Variants in CDHR4 observed in about 807,000 individuals in gnomAD.
The protein encoded by CDHR4 is cadherin-related family member 4.
A neutral mutation model predicts 88.4 loss-of-function variants in CDHR4; 89 were observed. The ratio of observed to expected loss-of-function variants is 1.01; its 90% CI spans 0.85 to 1.20. The LOEUF is 1.20. Ranked by LOEUF, CDHR4 falls within the 50% of genes most tolerant of loss-of-function variation. CDHR4 has a pLI of 0.00. For missense variants in CDHR4, 914 were observed against 1,007.2 expected, an observed-to-expected ratio of 0.91 and a Z score of 1.25; for synonymous variants, 368 against 399.2, an observed-to-expected ratio of 0.92 and a Z score of 0.93.
intron 1 of CDHR4, 46 bp from the exon 2 acceptor site, chr3:49,799,483 A>T: frequency 6.5e-7 from 1 of 1,530,002 alleles, no homozygotes; most frequent in South Asian, 1.2e-5. Flanking sequence ...AGGCTGATGG[A>T]ACCACACATA....
chr3:49,795,393 G>A lies in CDHR4; in HGVS notation c.848-14C>T, dbSNP rs1173382587. 1.3e-6 allele frequency: 2 copies of A among 1,548,634 alleles called. No individual in the cohort carries two copies. The highest frequency in any genetic ancestry group is 1.2e-5 in the South Asian group (1 of 83,974). On this transcript the variant is annotated splice_polypyrimidine_tract_variant and intron_variant, in intron 7 of 18. Coordinates refer to ENST00000412678, the MANE Select transcript of CDHR4 (RefSeq NM_001007540.4). This position sits in a 1 kb window ranked among gnomAD's most constrained non-coding sequence, Gnocchi z 5.4. ...CCACACCGTCTGCTGCATGGGGTGA[G>A]AGAACACAGAGGTCAGGGGTCAGGG... is the stretch of plus-strand genomic sequence containing the variant.
rs2081186574 is a variant in CDHR4, at chr3:49,791,978, T to C, written c.2139-19A>G. ...GGCCAACCTAAAATGCCAGGAGGAG[T>C]AACGAAGCAGTGAGGGCAGCAGGCC... On this transcript the variant is annotated intron_variant, in intron 15 of 18. Transcript: ENST00000412678. The C allele has an allele frequency of 6.4e-7, 1 of 1,550,962 alleles. No individual in the cohort carries two copies. The highest frequency in any genetic ancestry group is 8.7e-7 in the Non-Finnish European group (1 of 1,146,798).
At chr3:49,800,278 C>A (rs968636082), upstream of CDHR4, among the ~76,000 whole-genome samples, 1 of 152,088 alleles carries the variant, frequency 6.6e-6, no homozygotes, top group Non-Finnish European at 1.5e-5. Flanking sequence ...GTAATCCCAG[C>A]ACTTTGGGAG....
chr3:49,796,884 C>T, intron 5 of CDHR4, 38 bp downstream of exon 5: 1 of 1,505,062 alleles, frequency 6.6e-7, no homozygotes, highest in Non-Finnish European at 9.0e-7. Flanking sequence ...GCACTCTACC[C>T]AATCCATAAA....
At position 49,795,053 on chromosome 3, in the gene CDHR4, A is replaced by G. The variant is rs1247371844; in HGVS notation, c.1079T>C (p.Leu360Pro). The change falls in exon 9 of 19, where the codon CTC (leucine) becomes CCC (proline). Residue 360 changes from leucine (L) to proline (P), a missense_variant. Physicochemically the swap from Leu to Pro is moderately conservative, Grantham distance 98. Transcript: ENST00000412678. The surrounding 1 kb of genome is among the most constrained non-coding windows in gnomAD (Gnocchi z 5.4). ...TAPVGTVLNT[L>P]TCEDPDSVGA... ...AACAGAGTCCGGATCTTCGCAAGTG[A>G]GAGTATTCAGCACGGTGCCCACGGG... is the stretch of plus-strand genomic sequence containing the variant. The G allele has an allele frequency of 6.4e-7, 1 of 1,551,690 alleles. No individual in the cohort carries two copies. Among genetic ancestry groups the G allele is most frequent in the South Asian group, 1.2e-5 (1 of 84,052 alleles).
chr3:49,799,639 G>C, intron 1 of CDHR4, 125 bp downstream of exon 1: 1 of 1,131,602 alleles, frequency 8.8e-7, no homozygotes, highest in Non-Finnish European at 1.3e-6. Context: ...AGGGGTGAGG[G>C]CCAGGGGTTC....
rs548633701 is a variant in CDHR4 at position 49,792,211 on chromosome 3, C to T, written c.2139-252G>A. Among the ~76,000 whole-genome samples the T allele has an allele frequency of 5.9e-5, 9 of 152,278 alleles. No individual in the cohort carries two copies. In the South Asian group the frequency reaches 1.9e-3, roughly 32 times the overall value. On this transcript the variant is annotated intron_variant, in intron 15 of 18. Transcript: ENST00000412678. ...GTAAATGCCCAATGTATGACAGACT[C>T]ACAGTTTCAAGCCCTGAGCTTATCT... is the stretch of plus-strand genomic sequence containing the variant.
chr3:49,792,220 A>G (rs7637711), intron 15 of CDHR4, among the ~76,000 whole-genome samples: 27,628 of 152,104 alleles, frequency 0.18, 2,855 homozygotes, highest in African/African-American at 0.26. Flanking sequence ...TCACAGTTTC[A>G]AGCCCTGAGC....
intron 9 of CDHR4, 119 bp downstream of exon 9, chr3:49,794,828 A>T (rs6802890): frequency 6.9e-7 from 1 of 1,440,316 alleles, no homozygotes. Flanking sequence ...ACTGCAACAC[A>T]GGTTGGCTCG....
At chr3:49,791,391 G>C in intron 18 of CDHR4, 50 bp downstream of exon 18, 1 of 1,517,794 alleles carries the variant, frequency 6.6e-7, no homozygotes, top group Non-Finnish European at 8.8e-7. Context: ...GAGATACTCA[G>C]ATGGGGTGAG....
At chr3:49,797,681 C>T (rs1442624305) in intron 4 of CDHR4, among the ~76,000 whole-genome samples, 1 of 151,848 alleles carries the variant, frequency 6.6e-6, no homozygotes. Flanking sequence ...AGGGTTTCGC[C>T]ATGTTGGCCA....
intron 17 of CDHR4, 23 bp downstream of exon 17, chr3:49,791,691 C>G: frequency 6.4e-7 from 1 of 1,551,266 alleles, no homozygotes; most frequent in Non-Finnish European, 8.7e-7. Flanking sequence ...GTGTCCACTA[C>G]TTGAGATGGT....
Position 49,795,868 on chromosome 3 carries a change from C to T in CDHR4, c.710+75G>A, listed in dbSNP as rs1420371836. On this transcript the variant is annotated intron_variant, in intron 6 of 18. Transcript: ENST00000412678. This position sits in a 1 kb window ranked among gnomAD's most constrained non-coding sequence, Gnocchi z 5.4. Reference sequence around the variant, plus strand: ...TCCTGTCAGGGCTGGGACTCAGCTCCAGCAGCCTCACCCTACCTGATTCCC... The same window carrying T: ...TCCTGTCAGGGCTGGGACTCAGCTCTAGCAGCCTCACCCTACCTGATTCCC... The T allele has an allele frequency of 2.0e-6, 3 of 1,518,404 alleles. No individual in the cohort carries two copies. The highest frequency in any genetic ancestry group is 2.0e-5 in the Admixed American group (1 of 49,292). 94.1% of individuals were successfully genotyped at this position (1,518,404 alleles called of 1,614,324 possible).
rs2081317068 is a variant in CDHR4 at position 49,798,917 on chromosome 3, G to A, written c.404C>T (p.Ala135Val). ...IQCAGQFASPAGEMIQVPETV... is the reference protein window; with the variant it reads ...IQCAGQFASPVGEMIQVPETV... Reference sequence around the variant, plus strand: ...CTCTGGCACCTGAATCATTTCCCCAGCTGGCCAGAGTGGAGGTCAGGGAGG... The same window carrying A: ...CTCTGGCACCTGAATCATTTCCCCAACTGGCCAGAGTGGAGGTCAGGGAGG... Residue 135 changes from alanine to valine, a missense_variant and splice_region_variant, in exon 4 of 19, where the codon GCT (alanine) becomes GTT (valine). Ala to Val is a moderately conservative substitution (Grantham distance 64). Coordinates refer to ENST00000412678, the MANE Select transcript of CDHR4 (RefSeq NM_001007540.4). The A allele has an allele frequency of 1.2e-6, 2 of 1,612,888 alleles. No individual in the cohort carries two copies. The highest frequency in any genetic ancestry group is 1.7e-6 in the Non-Finnish European group (2 of 1,179,548).
Position 49,793,729 on chromosome 3 carries a change from G to T in CDHR4, c.1484-7C>A, listed in dbSNP as rs1167602026. 2 of 1,551,584 alleles carry T rather than the reference G, an allele frequency of 1.3e-6. No individual in the cohort carries two copies. The highest frequency in any genetic ancestry group is 2.4e-5 in the East Asian group (1 of 40,940). Reference sequence around the variant, plus strand: ...CCCAGGAGGTGAACTTCCCCTAGAGGGGGAGACCACAGCTTCAGCCTGCAG... The same window carrying T: ...CCCAGGAGGTGAACTTCCCCTAGAGTGGGAGACCACAGCTTCAGCCTGCAG... On this transcript the variant is annotated splice_region_variant and splice_polypyrimidine_tract_variant and intron_variant, in intron 11 of 18. Coordinates refer to ENST00000412678, the MANE Select transcript of CDHR4 (RefSeq NM_001007540.4).
In CDHR4 at chr3:49,799,165, G is replaced by C; in HGVS notation, c.241-9C>G. 1 of 1,586,010 alleles carries C rather than the reference G, an allele frequency of 6.3e-7. No homozygotes were observed. Among genetic ancestry groups the C allele is most frequent in the Non-Finnish European group, 8.6e-7 (1 of 1,165,942 alleles). ...GAGCTGCTCAAGGTCAACTGGGGTG[G>C]GTGGACAGTGCCATGTGGGGCTTGG... On this transcript the variant is annotated splice_polypyrimidine_tract_variant and intron_variant, in intron 2 of 18. Coordinates refer to ENST00000412678, the MANE Select transcript of CDHR4 (RefSeq NM_001007540.4).
In CDHR4 at chr3:49,792,606, G is replaced by A; in HGVS notation, c.2000C>T (p.Pro667Leu). Residue 667 changes from proline to leucine, a missense_variant, in exon 15 of 19, where the codon CCC becomes CTC. Transcript: ENST00000412678. ...CACGAGCATGGGTGTCATCGTTGAG[G>A]GCACCTGAAAAGGAGGCCACAGCCT... ...VATSTHRTTV[P>L]STMTPMLVTD... 6.4e-7 allele frequency: 1 copy of A among 1,551,574 alleles called. No individual in the cohort carries two copies. Among genetic ancestry groups the A allele is most frequent in the Admixed American group, 2.0e-5 (1 of 50,984 alleles).
At chr3:49,791,540 C>A in intron 17 of CDHR4, 72 bp from the exon 18 acceptor site, 1 of 1,525,474 alleles carries the variant, frequency 6.6e-7, no homozygotes, top group Non-Finnish European at 8.8e-7. Context: ...AAGGCCTGCC[C>A]CTAGGGGGCC....
chr3:49,799,064 C>T lies in CDHR4; in HGVS notation c.333G>A (p.Glu111=). The T allele has an allele frequency of 6.3e-7, 1 of 1,589,146 alleles. No homozygotes were observed. The highest frequency in any genetic ancestry group is 8.6e-7 in the Non-Finnish European group (1 of 1,167,810). The change falls in exon 3 of 19, where the codon GAG becomes GAA. Residue 111 remains glutamate (E), a synonymous_variant. Transcript: ENST00000412678. ...GCTGCACATCCACAGAGAGTGAGCC[C>T]TCCATCACATGGTTGCCACATGTGA... The part of the protein sequence containing the change: ...LKFTCGNHVM[E]GSLSVDVQRD...
Sources: allele counts gnomAD v4.1 joint callset (sites outside exome capture counted in the v4.1 genomes callset), GRCh38; gene constraint gnomAD v4.1.1; non-coding constraint Gnocchi (gnomAD v3.1); transcripts MANE v1.5; gene names NCBI Gene and HGNC (gene_info 2026-07-23, HGNC 2026-07-21).